The following XRN1 variants were observed in gnomAD, a reference collection of about 807,000 sequenced individuals.
XRN1 encodes the protein strand-exchange protein 1 homolog.
XRN1 carries 67 observed loss-of-function variants against 222.3 expected under a neutral mutation model. That is an observed-to-expected ratio of 0.30 (90% CI 0.25 to 0.37). XRN1 has a LOEUF of 0.37. Among genes scored for constraint, XRN1 ranks in the 10% least tolerant of loss-of-function variants. XRN1 has a pLI of 1.00. For missense variants in XRN1, 1,707 were observed against 2,000.2 expected, an observed-to-expected ratio of 0.85 and a Z score of 2.80; for synonymous variants, 643 against 652.4, an observed-to-expected ratio of 0.99 and a Z score of 0.22.
chr3:142,319,875 TGTGTATA>T (rs2065303508), intron 37 of XRN1, among the ~76,000 whole-genome samples: 1 of 152,044 alleles, frequency 6.6e-6, no homozygotes, highest in African/African-American at 2.4e-5. Flanking sequence ...TTACATGGTG[TGTGTATA>T]GGATAGTAGT....
chr3:142,397,360 A>G lies in XRN1; in HGVS notation c.2308T>C (p.Trp770Arg), dbSNP rs778270766. 7 of 1,602,126 alleles carry G rather than the reference A, an allele frequency of 4.4e-6. No homozygotes were observed. Among genetic ancestry groups the G allele is most frequent in the Non-Finnish European group, 5.1e-6 (6 of 1,173,738 alleles). ...VHLGDKEQSN[W>R]AKEVQGISEH... Reference sequence around the variant, plus strand: ...GAAATTCCTTGTACTTCTTTTGCCCAGTTAGATTGTTCTTTATCTCCAAGA... The same window carrying G: ...GAAATTCCTTGTACTTCTTTTGCCCGGTTAGATTGTTCTTTATCTCCAAGA... Residue 770 changes from tryptophan (W) to arginine (R), a missense_variant, in exon 20 of 41, where the codon TGG becomes CGG. Trp to Arg is a moderately radical substitution (Grantham distance 101, BLOSUM62 -3). Coordinates refer to ENST00000392981, the MANE Select transcript of XRN1 (RefSeq NM_001282857.2).
chr3:142,377,551 T>C (rs897509169), intron 23 of XRN1, among the ~76,000 whole-genome samples: 6 of 152,196 alleles, frequency 3.9e-5, no homozygotes, highest in Admixed American at 3.3e-4. Context: ...AGATGCCAAC[T>C]GTCCTGCCAT....
intron 13 of XRN1, 61 bp downstream of exon 13, chr3:142,417,079 A>T (rs1196225914): frequency 4.9e-6 from 6 of 1,234,940 alleles, no homozygotes; most frequent in Non-Finnish European, 6.9e-6. Context: ...CCTAAATAAG[A>T]CTCTAGTAGA....
intron 25 of XRN1, among the ~76,000 whole-genome samples, chr3:142,374,728 A>T (rs1175048329): frequency 6.6e-6 from 1 of 152,228 alleles, no homozygotes; most frequent in African/African-American, 2.4e-5. Flanking sequence ...TGACCTTTTA[A>T]AGAAATAAGA....
In XRN1 at chr3:142,404,058, C is replaced by A. The variant is rs1421393191; in HGVS notation, c.1884-69G>T. On this transcript the variant is annotated intron_variant, in intron 16 of 40. Coordinates refer to ENST00000392981, the MANE Select transcript of XRN1 (RefSeq NM_001282857.2). ...CAAACAATTACAGTTTTTTAACTTT[C>A]CCTTGTATATTTCGTAAGAGTCATC... is the stretch of plus-strand genomic sequence containing the variant. The A allele has an allele frequency of 2.3e-6, 3 of 1,319,952 alleles. No individual in the cohort carries two copies. The African/African-American group carries it at 4.4e-5, about 20-fold the overall frequency. The allele number at this position is 1,319,952 out of a possible 1,614,324, so 81.8% of individuals were successfully genotyped here. A position where few individuals can be genotyped will look rare whatever the true frequency, so the allele number is the denominator to read the frequency against.
intron 33 of XRN1, among the ~76,000 whole-genome samples, chr3:142,345,303 T>C (rs1286844827): frequency 6.6e-6 from 1 of 152,002 alleles, no homozygotes; most frequent in African/African-American, 2.4e-5. Flanking sequence ...GGGGAAAGAG[T>C]AGTCTTTTTA....
intron 15 of XRN1, among the ~76,000 whole-genome samples, chr3:142,411,738 C>A (rs2068588623): frequency 6.6e-6 from 1 of 152,036 alleles, no homozygotes; most frequent in Non-Finnish European, 1.5e-5. Context: ...GTATGGGGAT[C>A]CCCCAGATCT....
intron 20 of XRN1, among the ~76,000 whole-genome samples, chr3:142,395,414 G>A (rs73238176): frequency 0.12 from 18,193 of 152,178 alleles, 1,121 homozygotes; most frequent in Non-Finnish European, 0.14. Flanking sequence ...AACTATTCTC[G>A]AGTGAACGAG....
At chr3:142,368,560 C>G (rs990313067) in intron 27 of XRN1, among the ~76,000 whole-genome samples, 1 of 152,210 alleles carries the variant, frequency 6.6e-6, no homozygotes, top group Non-Finnish European at 1.5e-5. Flanking sequence ...TTAGAAAGCT[C>G]TGAATCCAAA....
intron 33 of XRN1, among the ~76,000 whole-genome samples, chr3:142,337,633 G>A (rs932640414): frequency 2.0e-5 from 3 of 152,126 alleles, no homozygotes; most frequent in Non-Finnish European, 4.4e-5. Context: ...CACTACTGAA[G>A]AAATTTAAAG....
chr3:142,354,094 TA>T (rs2066391512), intron 32 of XRN1, among the ~76,000 whole-genome samples: 1 of 152,074 alleles, frequency 6.6e-6, no homozygotes, highest in African/African-American at 2.4e-5. Flanking sequence ...ATATTTTAAT[TA>T]AAAAATTAAT....
At chr3:142,443,197 T>C (rs570821419) in intron 1 of XRN1, among the ~76,000 whole-genome samples, 1 of 152,264 alleles carries the variant, frequency 6.6e-6, no homozygotes, top group African/African-American at 2.4e-5. Context: ...GTTAATGACA[T>C]CAAAGGCACC....
In XRN1 at chr3:142,421,567, C is replaced by A. The variant is rs1269048969; in HGVS notation, c.968-24G>T. On this transcript the variant is annotated intron_variant, in intron 8 of 40. Transcript: ENST00000392981. ...ACCTAAAAGAAACAAAAATTTAAAT[C>A]TGTACTAAAAGCTGACATTTTTTCT... 4 of 1,537,242 alleles carry A rather than the reference C, an allele frequency of 2.6e-6. No individual in the cohort carries two copies. In the African/African-American group the frequency reaches 5.5e-5, roughly 21 times the overall value.
chr3:142,438,465 A>G (rs1408985147), intron 1 of XRN1, among the ~76,000 whole-genome samples: 6 of 152,148 alleles, frequency 3.9e-5, no homozygotes, highest in Non-Finnish European at 7.4e-5. Flanking sequence ...GTGGTTACGC[A>G]CCCTGGAAAA....
At chr3:142,366,530 T>C (rs1485063151) in intron 27 of XRN1, among the ~76,000 whole-genome samples, 2 of 152,120 alleles carry the variant, frequency 1.3e-5, no homozygotes, top group African/African-American at 4.8e-5. Context: ...CTTACTCTAG[T>C]TGAGGGAGAT....
chr3:142,421,841 T>C (rs2069048009), intron 8 of XRN1, among the ~76,000 whole-genome samples: 2 of 152,204 alleles, frequency 1.3e-5, no homozygotes, highest in African/African-American at 2.4e-5. Flanking sequence ...TCATTTAATA[T>C]GATATGTTAA....
At chr3:142,419,532 G>T (rs1194844361) in intron 10 of XRN1, among the ~76,000 whole-genome samples, 1 of 152,056 alleles carries the variant, frequency 6.6e-6, no homozygotes, top group East Asian at 1.9e-4. Flanking sequence ...AATCTTGGCC[G>T]GGCACGGTGG....
chr3:142,404,086 T>G, intron 16 of XRN1, 97 bp from the exon 17 acceptor site: 1 of 1,076,694 alleles, frequency 9.3e-7, no homozygotes, highest in Non-Finnish European at 1.3e-6. Flanking sequence ...GAGTCATCCT[T>G]GCTTTTAAAG....
intron 23 of XRN1, among the ~76,000 whole-genome samples, chr3:142,378,735 G>T (rs2067214429): frequency 6.6e-6 from 1 of 151,928 alleles, no homozygotes; most frequent in Admixed American, 6.6e-5. Context: ...ATACAAGAAA[G>T]TTTCTCAGAA....
Sources: gnomAD v4.1 joint callset for allele counts (sites outside exome capture counted in the v4.1 genomes callset) on GRCh38, gnomAD v4.1.1 for gene constraint, MANE v1.5 for transcripts, NCBI Gene and HGNC (gene_info 2026-07-23, HGNC 2026-07-21) for gene names.